Variants in DSCAM observed in about 807,000 individuals in gnomAD.
DSCAM encodes cell adhesion molecule DSCAM.
In DSCAM, 47 loss-of-function variants were observed where a neutral mutation model predicts 217.7. The observed-to-expected ratio is 0.22, with a 90% confidence interval of 0.17 to 0.28. The LOEUF is 0.28. Ranked by LOEUF, DSCAM falls within the 10% of genes least tolerant of loss-of-function variation. The pLI, the probability that DSCAM is intolerant of heterozygous loss-of-function variation, is 1.00. For missense variants in DSCAM, 2,080 were observed against 2,618.3 expected (o/e 0.79, Z 4.49); for synonymous variants, 1,056 against 1,015.3 (o/e 1.04, Z -0.76).
chr21:40,267,588 AC>A (rs1302542380), intron 11 of DSCAM, among the ~76,000 whole-genome samples: 2 of 152,202 alleles, frequency 1.3e-5, no homozygotes, highest in African/African-American at 2.4e-5. Flanking sequence ...GCAGCACATA[AC>A]TATATAACAT....
Position 40,631,844 on chromosome 21 carries a change from G to C in DSCAM, c.508+60966C>G, listed in dbSNP as rs536422443. Among the ~76,000 whole-genome samples, 86 of 152,294 alleles carry C rather than the reference G, an allele frequency of 5.6e-4. No individual in the cohort carries two copies. The Middle Eastern group carries it at 0.02, about 36-fold the overall frequency. On this transcript the variant is annotated intron_variant, in intron 3 of 32. Transcript: ENST00000400454. ...CAGTCATATCAGGAGACATGGGCTT[G>C]TGGTGCAGAAGGAAAAATAAAGGGT...
intron 1 of DSCAM, among the ~76,000 whole-genome samples, chr21:40,777,484 G>C (rs1461453074): frequency 2.0e-5 from 3 of 152,150 alleles, no homozygotes; most frequent in Admixed American, 6.5e-5. Flanking sequence ...CATCATGAAG[G>C]AGGAAGACCA....
intron 3 of DSCAM, among the ~76,000 whole-genome samples, chr21:40,671,264 A>G (rs561063776): frequency 3.8e-4 from 58 of 152,354 alleles, no homozygotes; most frequent in African/African-American, 1.3e-3. Context: ...AAAGAGAGAA[A>G]AAGACATGAT....
At chr21:40,831,888 C>T (rs1414839488) in intron 1 of DSCAM, among the ~76,000 whole-genome samples, 1 of 152,212 alleles carries the variant, frequency 6.6e-6, no homozygotes, top group Non-Finnish European at 1.5e-5. Context: ...CGATCTTTCA[C>T]TTTCCCAAAA....
At chr21:40,611,128 G>A (rs377126863) in intron 3 of DSCAM, among the ~76,000 whole-genome samples, 3 of 147,300 alleles carry the variant, frequency 2.0e-5, no homozygotes, top group East Asian at 2.0e-4. Context: ...GCGCGATCTC[G>A]GCTCACTGCA....
chr21:40,807,901 C>G (rs2091802297), intron 1 of DSCAM, among the ~76,000 whole-genome samples: 1 of 152,174 alleles, frequency 6.6e-6, no homozygotes, highest in East Asian at 1.9e-4. Context: ...ACCACAGTGA[C>G]TTTTAGCTCC....
intron 11 of DSCAM, among the ~76,000 whole-genome samples, chr21:40,243,126 T>C (rs532412797): frequency 6.6e-6 from 1 of 152,332 alleles, no homozygotes; most frequent in Middle Eastern, 3.4e-3. Context: ...GGGATTCTGT[T>C]ACAGTGAATG....
At chr21:40,496,746 T>C (rs1449543372) in intron 3 of DSCAM, among the ~76,000 whole-genome samples, 1 of 151,994 alleles carries the variant, frequency 6.6e-6, no homozygotes, top group African/African-American at 2.4e-5. Context: ...ATATGTCTGA[T>C]AAGGGATTAA....
chr21:40,725,873 G>A (rs1264022210), intron 1 of DSCAM, among the ~76,000 whole-genome samples: 1 of 151,988 alleles, frequency 6.6e-6, no homozygotes, highest in Admixed American at 6.6e-5. Flanking sequence ...AAGTAAACGA[G>A]GACAATTTTA....
chr21:40,531,686 T>C (rs1381723621), intron 3 of DSCAM, among the ~76,000 whole-genome samples: 3 of 152,186 alleles, frequency 2.0e-5, no homozygotes, highest in South Asian at 2.1e-4. Context: ...TCCTGAGTGG[T>C]TGCATCACAG....
intron 3 of DSCAM, among the ~76,000 whole-genome samples, chr21:40,437,886 C>T (rs999215385): frequency 6.6e-6 from 1 of 152,180 alleles, no homozygotes; most frequent in Non-Finnish European, 1.5e-5. Context: ...AGAGCCAGAA[C>T]TGGGGCACTG....
At chr21:40,210,608 G>T (rs1473461433) in intron 11 of DSCAM, among the ~76,000 whole-genome samples, 1 of 152,168 alleles carries the variant, frequency 6.6e-6, no homozygotes, top group African/African-American at 2.4e-5. Context: ...GCAGTGGCAC[G>T]ATCTTGGCTC....
At chr21:40,022,259 G>A (rs1006779952) in intron 32 of DSCAM, among the ~76,000 whole-genome samples, 3 of 152,156 alleles carry the variant, frequency 2.0e-5, no homozygotes, top group African/African-American at 7.2e-5. Context: ...ATAACACAGG[G>A]GAGGGTGACA....
At chr21:40,071,566 A>C (rs2089293237) in intron 27 of DSCAM, among the ~76,000 whole-genome samples, 1 of 152,218 alleles carries the variant, frequency 6.6e-6, no homozygotes, top group African/African-American at 2.4e-5. Flanking sequence ...ATCCCACCTA[A>C]TCACTCTAAA....
At chr21:40,199,585 C>T (rs1240662131) in intron 11 of DSCAM, among the ~76,000 whole-genome samples, 1 of 152,160 alleles carries the variant, frequency 6.6e-6, no homozygotes, top group Non-Finnish European at 1.5e-5. Context: ...CTGTTTTCCA[C>T]AATGGTTGAA....
At chr21:40,466,264 T>C (rs2075844613) in intron 3 of DSCAM, among the ~76,000 whole-genome samples, 1 of 152,200 alleles carries the variant, frequency 6.6e-6, no homozygotes, top group South Asian at 2.1e-4. Context: ...CACTCCTGTC[T>C]AGACCCAAGA....
chr21:40,661,222 G>C (rs942300114), intron 3 of DSCAM, among the ~76,000 whole-genome samples: 4 of 152,210 alleles, frequency 2.6e-5, no homozygotes, highest in Admixed American at 2.6e-4. Flanking sequence ...ATGGTTTACA[G>C]ATTCACAAAT....
chr21:40,387,914 AG>A (rs1420130927), intron 3 of DSCAM, among the ~76,000 whole-genome samples: 4 of 152,198 alleles, frequency 2.6e-5, no homozygotes, highest in Non-Finnish European at 5.9e-5. Flanking sequence ...TATTAGACAC[AG>A]TTGGGAAAAA....
At chr21:40,601,373 AC>A (rs1363131549) in intron 3 of DSCAM, among the ~76,000 whole-genome samples, 1 of 152,160 alleles carries the variant, frequency 6.6e-6, no homozygotes, top group African/African-American at 2.4e-5. Context: ...GTATCCTGCA[AC>A]CCTCTATGAC....
Sources: gnomAD v4.1 joint callset for allele counts (sites outside exome capture counted in the v4.1 genomes callset) on GRCh38, gnomAD v4.1.1 for gene constraint, MANE v1.5 for transcripts, NCBI Gene and HGNC (gene_info 2026-07-23, HGNC 2026-07-21) for gene names.